CD177: variants seen among roughly 807,000 people sequenced by gnomAD.
CD177 encodes the protein CD177 antigen.
CD177 carries 41 observed loss-of-function variants against 38.1 expected under a neutral mutation model. The ratio of observed to expected loss-of-function variants is 1.07; its 90% CI spans 0.84 to 1.39. The LOEUF (loss-of-function observed/expected upper bound fraction) is 1.39. Ranked by LOEUF, CD177 falls within the 40% of genes most tolerant of loss-of-function variation. CD177 has a pLI of 0.00. For synonymous variants in CD177, 236 were observed against 216.7 expected (o/e 1.09, Z -0.78); for missense variants, 619 against 523.8 (o/e 1.18, Z -1.77).
chr19:43,363,605 C>A (rs1970004444), downstream of CD177, among the ~76,000 whole-genome samples: 1 of 152,120 alleles, frequency 6.6e-6, no homozygotes, highest in Non-Finnish European at 1.5e-5. Flanking sequence ...TTGACTGAAC[C>A]CCCTAGAGGC....
At chr19:43,355,129 T>G (rs1334200670) in intron 3 of CD177, among the ~76,000 whole-genome samples, 1 of 109,102 alleles carries the variant, frequency 9.2e-6, no homozygotes, top group African/African-American at 4.5e-5. Context: ...TTTTTTTTTT[T>G]CTGAGAAAGC....
chr19:43,366,079 A>G (rs1258554895), downstream of CD177, among the ~76,000 whole-genome samples: 1 of 152,126 alleles, frequency 6.6e-6, no homozygotes, highest in Non-Finnish European at 1.5e-5. Context: ...TGCACTGTTA[A>G]TCTTTTGGAG....
chr19:43,354,248 G>T lies in CD177; in HGVS notation c.235G>T (p.Ala79Ser). The part of the protein sequence containing the change: ...SLVLSKGCTE[A>S]KDQEPRVTEH... ...GGTGCTCTCCAAGGGCTGCACGGAGGCCAAGGACCAGGAGCCCCGCGTCAC... is the reference window on the plus strand; with the variant it reads ...GGTGCTCTCCAAGGGCTGCACGGAGTCCAAGGACCAGGAGCCCCGCGTCAC... Residue 79 changes from alanine (A) to serine (S), a missense_variant, in exon 3 of 9, where the codon GCC becomes TCC. Physicochemically the swap from Ala to Ser is moderately conservative, Grantham distance 99 (BLOSUM62 1). Coordinates refer to ENST00000618265, the MANE Select transcript of CD177 (RefSeq NM_020406.4). 6.2e-7 allele frequency: 1 copy of T among 1,613,740 alleles called. No homozygotes were observed. The highest frequency in any genetic ancestry group is 8.5e-7 in the Non-Finnish European group (1 of 1,179,814).
At position 43,363,086 on chromosome 19, in the gene CD177, T is replaced by G. The variant is rs976395635; in HGVS notation, c.*766T>G. On this transcript the variant is annotated 3_prime_UTR_variant, in exon 9 of 9. Transcript: ENST00000618265. ...TATGGTGTGAATACTGCAGGCAATCTTAACACCACGGCAAGTATTTGTGCA... is the reference window on the plus strand; with the variant it reads ...TATGGTGTGAATACTGCAGGCAATCGTAACACCACGGCAAGTATTTGTGCA... 7 of 152,246 alleles carry G rather than the reference T, an allele frequency of 4.6e-5. No homozygotes were observed. Among genetic ancestry groups the G allele is most frequent in the South Asian group, 2.1e-4 (1 of 4,814 alleles). 9.4% of individuals were successfully genotyped at this position (152,246 alleles called of 1,614,324 possible). A position where few individuals can be genotyped will look rare whatever the true frequency, so the allele number is the denominator to read the frequency against.
At chr19:43,364,088 G>A (rs1970009618), downstream of CD177, among the ~76,000 whole-genome samples, 3 of 152,270 alleles carry the variant, frequency 2.0e-5, no homozygotes, top group South Asian at 2.1e-4. Context: ...TCTCAAGGGG[G>A]AAAAATAAAT....
chr19:43,354,425 G>C (rs559532165), intron 3 of CD177, 33 bp downstream of exon 3: 2 of 1,610,334 alleles, frequency 1.2e-6, no homozygotes, highest in African/African-American at 1.3e-5. Context: ...GAGAGGGAGG[G>C]GCTGCTAGAA....
chr19:43,354,495 C>T (rs1325212370), intron 3 of CD177, 103 bp downstream of exon 3: 3 of 1,231,478 alleles, frequency 2.4e-6, no homozygotes, highest in Non-Finnish European at 3.5e-6. Context: ...GCTCGCTATC[C>T]CGACCCTCGC....
intron 6 of CD177, chr19:43,360,851 G>A (rs1969952384): frequency 1.8e-6 from 1 of 541,626 alleles, no homozygotes; most frequent in Non-Finnish European, 3.3e-6. Flanking sequence ...AATCTGGCAA[G>A]GAAAAGGAGA....
At chr19:43,355,804 T>A in intron 4 of CD177, 21 bp downstream of exon 4, 1 of 1,612,528 alleles carries the variant, frequency 6.2e-7, no homozygotes, top group Non-Finnish European at 8.5e-7. Flanking sequence ...GACATCGGGG[T>A]CCCTGTGGGG....
intron 8 of CD177, 84 bp from the exon 9 acceptor site, chr19:43,362,004 G>A (rs1054598820): frequency 8.6e-7 from 1 of 1,168,840 alleles, no homozygotes; most frequent in African/African-American, 1.5e-5. Context: ...TCTGAGGGAG[G>A]AGGGTCTGGG....
At position 43,354,257 on chromosome 19, in the gene CD177, C is replaced by A. The variant is rs746730593; in HGVS notation, c.244C>A (p.Gln82Lys). 2 of 1,613,826 alleles carry A rather than the reference C, an allele frequency of 1.2e-6. No individual in the cohort carries two copies. Among genetic ancestry groups the A allele is most frequent in the Non-Finnish European group, 1.7e-6 (2 of 1,179,836 alleles). Reference sequence around the variant, plus strand: ...CAAGGGCTGCACGGAGGCCAAGGACCAGGAGCCCCGCGTCACTGAGCACCG... The same window carrying A: ...CAAGGGCTGCACGGAGGCCAAGGACAAGGAGCCCCGCGTCACTGAGCACCG... ...LSKGCTEAKD[Q>K]EPRVTEHRMG... Residue 82 changes from glutamine (Q) to lysine (K), a missense_variant, in exon 3 of 9, where the codon CAG becomes AAG. Coordinates refer to ENST00000618265, the MANE Select transcript of CD177 (RefSeq NM_020406.4).
chr19:43,360,232 G>A (rs375906132), intron 5 of CD177, 33 bp from the exon 6 acceptor site: 48 of 1,608,820 alleles, frequency 3.0e-5, no homozygotes, highest in Non-Finnish European at 4.1e-5. Flanking sequence ...GTGGGTTCCT[G>A]GCTTACACAC....
Position 43,353,783 on chromosome 19 carries a change from G to A in CD177, c.52+17G>A, listed in dbSNP as rs374953839. ...CACTGCCAGGTGAGTGATGAGCCCA[G>A]CCTGGAGGAGATTCCCTGGAGGCCG... On this transcript the variant is annotated intron_variant, in intron 1 of 8. Coordinates refer to ENST00000618265, the MANE Select transcript of CD177 (RefSeq NM_020406.4). The A allele has an allele frequency of 6.2e-7, 1 of 1,613,934 alleles. No homozygotes were observed. The highest frequency in any genetic ancestry group is 1.1e-5 in the South Asian group (1 of 91,088).
downstream of CD177, among the ~76,000 whole-genome samples, chr19:43,363,582 T>A (rs1970004279): frequency 6.6e-6 from 1 of 152,178 alleles, no homozygotes; most frequent in South Asian, 2.1e-4. Flanking sequence ...TGGTCTCCAG[T>A]TGAGGTTCCC....
chr19:43,362,276 C>A lies in CD177; in HGVS notation c.1270C>A (p.Leu424Met). 1 of 1,599,198 alleles carries A rather than the reference C, an allele frequency of 6.3e-7. No homozygotes were observed. The highest frequency in any genetic ancestry group is 8.6e-7 in the Non-Finnish European group (1 of 1,167,234). Residue 424 changes from leucine to methionine, a missense_variant, in exon 9 of 9, where the codon CTG becomes ATG. Leu to Met is a conservative substitution (Grantham distance 15). Coordinates refer to ENST00000618265, the MANE Select transcript of CD177 (RefSeq NM_020406.4). ...ESLTWGVGLALAPALWWGVVC... is the reference protein window; with the variant it reads ...ESLTWGVGLAMAPALWWGVVC... ...TCTCACTTGGGGGGTGGGGCTGGCA[C>A]TGGCCCCAGCGCTGTGGTGGGGAGT... is the stretch of plus-strand genomic sequence containing the variant.
chr19:43,362,117 G>A lies in CD177; in HGVS notation c.1111G>A (p.Gly371Ser), dbSNP rs756448661. ...GGLSTKMSIQ[G>S]CVAQPSSFLL... ...GCTGTCCACCAAAATGAGCATTCAGGGCTGCGTGGCCCAACCTTCCAGCTT... is the reference window on the plus strand; with the variant it reads ...GCTGTCCACCAAAATGAGCATTCAGAGCTGCGTGGCCCAACCTTCCAGCTT... Residue 371 changes from glycine (G) to serine (S), a missense_variant, in exon 9 of 9, where the codon GGC (glycine) becomes AGC (serine). Coordinates refer to ENST00000618265, the MANE Select transcript of CD177 (RefSeq NM_020406.4). 136 of 1,613,610 alleles carry A rather than the reference G, an allele frequency of 8.4e-5. 1 individual carries two copies. In the Middle Eastern group the frequency reaches 1.2e-3, roughly 14 times the overall value.
At position 43,353,850 on chromosome 19, in the gene CD177, C is replaced by A. The variant is rs1477958491; in HGVS notation, c.53-3C>A. The A allele has an allele frequency of 3.5e-5, 56 of 1,613,782 alleles. No individual in the cohort carries two copies. Among genetic ancestry groups the A allele is most frequent in the Non-Finnish European group, 4.7e-5 (56 of 1,179,860 alleles). ...TGAGATGGATTTGCTCTTGCCACTC[C>A]AGGAGTGCAGGCGCTGCTCTGCCAG... On this transcript the variant is annotated splice_region_variant and splice_polypyrimidine_tract_variant and intron_variant, in intron 1 of 8. Coordinates refer to ENST00000618265, the MANE Select transcript of CD177 (RefSeq NM_020406.4).
downstream of CD177, among the ~76,000 whole-genome samples, chr19:43,363,427 G>C (rs1004740352): frequency 5.3e-5 from 8 of 152,188 alleles, no homozygotes; most frequent in Non-Finnish European, 1.5e-5. Context: ...GAGAGCTGGA[G>C]AGAGAGCCGG....
At chr19:43,364,129 C>T (rs1413789269), downstream of CD177, among the ~76,000 whole-genome samples, 3 of 152,278 alleles carry the variant, frequency 2.0e-5, no homozygotes, top group East Asian at 5.8e-4. Flanking sequence ...ACACACAATT[C>T]CAGTCCTTCC....
Sources: gnomAD v4.1 joint callset for allele counts (sites outside exome capture counted in the v4.1 genomes callset) on GRCh38, gnomAD v4.1.1 for gene constraint, MANE v1.5 for transcripts, NCBI Gene and HGNC (gene_info 2026-07-23, HGNC 2026-07-21) for gene names.